Variants in AKNA observed in about 807,000 individuals in gnomAD.
The protein encoded by AKNA is microtubule organization protein AKNA.
AKNA carries 67 observed loss-of-function variants against 138.8 expected under a neutral mutation model. The ratio of observed to expected loss-of-function variants is 0.48; its 90% CI spans 0.40 to 0.59. The LOEUF is 0.59. Among genes scored for constraint, AKNA ranks in the 20% least tolerant of loss-of-function variants. The probability of loss-of-function intolerance (pLI) is 0.00; values close to 1 mark genes in which losing one functional copy is unlikely to be tolerated. For missense variants in AKNA, 1,813 were observed against 1,880.4 expected (o/e 0.96, Z 0.66); for synonymous variants, 737 against 754.4 (o/e 0.98, Z 0.38).
At position 114,337,042 on chromosome 9, in the gene AKNA, C is replaced by T. The variant is rs745888184; in HGVS notation, c.*12G>A. 10 of 952,462 alleles carry T rather than the reference C, an allele frequency of 1.0e-5. No individual in the cohort carries two copies. The highest frequency in any genetic ancestry group is 1.2e-5 in the Non-Finnish European group (9 of 774,888). 59.0% of individuals were successfully genotyped at this position (952,462 alleles called of 1,614,324 possible). ...ACCCACCCACCCATCTGCCTCTGGG[C>T]CCCCAGTGAAGTCAGAAGAGGCAGG... On this transcript the variant is annotated 3_prime_UTR_variant, in exon 22 of 22. Transcript: ENST00000374088.
chr9:114,372,888 C>T (rs909777831), intron 4 of AKNA, among the ~76,000 whole-genome samples: 51 of 145,954 alleles, frequency 3.5e-4, no homozygotes, highest in African/African-American at 1.2e-3. Flanking sequence ...TGATTAGCCC[C>T]TCTTTTACAG....
At chr9:114,367,481 A>G in intron 6 of AKNA, 62 bp downstream of exon 6, 1 of 1,580,616 alleles carries the variant, frequency 6.3e-7, no homozygotes, top group Non-Finnish European at 8.6e-7. Flanking sequence ...CCAAGCAGGC[A>G]GAGGTTCTGT....
chr9:114,346,581 T>A, intron 17 of AKNA, 88 bp downstream of exon 17: 1 of 1,055,746 alleles, frequency 9.5e-7, no homozygotes, highest in Non-Finnish European at 1.4e-6. Flanking sequence ...CAAGTTTCCT[T>A]GAATACTGTT....
chr9:114,342,162 A>G (rs1830400759), intron 19 of AKNA, 37 bp from the exon 20 acceptor site: 2 of 1,453,426 alleles, frequency 1.4e-6, no homozygotes, highest in South Asian at 2.7e-5. Flanking sequence ...GGAGGATTAC[A>G]TCTAAATCAT....
In AKNA at chr9:114,376,795, G is replaced by C. The variant is rs772707702; in HGVS notation, c.1012C>G (p.Leu338Val). 1.9e-6 allele frequency: 3 copies of C among 1,612,406 alleles called. No individual in the cohort carries two copies. In the Admixed American group the frequency reaches 5.0e-5, roughly 27 times the overall value. ...GCATTAGAAGAGGAGCGGCCAGCCA[G>C]AGTGGCTCCCTGTCTGGGCAGCGGC... ...GRPLPRQGAT[L>V]AGRSSSNAPK... The change falls in exon 3 of 22, where the codon CTG becomes GTG. Residue 338 changes from leucine (L) to valine (V), a missense_variant. Transcript: ENST00000374088.
At chr9:114,360,239 C>T (rs576181945) in intron 9 of AKNA, 177 bp from the exon 10 acceptor site, 34 of 754,042 alleles carry the variant, frequency 4.5e-5, no homozygotes, top group African/African-American at 1.9e-4. Flanking sequence ...GTGTGGTCTT[C>T]GATACTGGCT....
rs1294552257 is a variant in AKNA at position 114,377,224 on chromosome 9, G to A, written c.583C>T (p.Leu195Phe). ...EHSEVNPSVE[L>F]SPARSWSSGT... ...CTGCTCCAGGACCTTGCCGGGCTGA[G>A]TTCAACGGATGGGTTGACCTCGGAA... is the stretch of plus-strand genomic sequence containing the variant. Residue 195 changes from leucine to phenylalanine, a missense_variant, in exon 3 of 22, where the codon CTC becomes TTC. By Grantham distance (22) the Leu-to-Phe change is conservative. Coordinates refer to ENST00000374088, the MANE Select transcript of AKNA (RefSeq NM_001317950.2). The A allele has an allele frequency of 6.2e-7, 1 of 1,614,092 alleles. No individual in the cohort carries two copies. Among genetic ancestry groups the A allele is most frequent in the Non-Finnish European group, 8.5e-7 (1 of 1,180,044 alleles).
chr9:114,361,196 C>T (rs1200468744), intron 9 of AKNA, among the ~76,000 whole-genome samples: 4 of 152,180 alleles, frequency 2.6e-5, no homozygotes, highest in African/African-American at 9.6e-5. Context: ...TCTCCAGCCA[C>T]ATCTCAGACT....
chr9:114,367,445 AG>A lies in AKNA; in HGVS notation c.1728+97del, dbSNP rs1303469326. ...TCGGTGCAGAGGCAGGGGAATGACA[AG>A]TGAGACTCCCAGAGTGCCTCTCACC... is the stretch of plus-strand genomic sequence containing the variant. On this transcript the variant is annotated intron_variant, in intron 6 of 21. Coordinates refer to ENST00000374088, the MANE Select transcript of AKNA (RefSeq NM_001317950.2). 3.5e-6 allele frequency: 5 copies of A among 1,417,142 alleles called. No homozygotes were observed. In the East Asian group the frequency reaches 7.3e-5, roughly 21 times the overall value. 87.8% of individuals were successfully genotyped at this position (1,417,142 alleles called of 1,614,324 possible).
chr9:114,331,796 C>A (rs750730380), downstream of AKNA: 23 of 1,607,178 alleles, frequency 1.4e-5, no homozygotes, highest in Non-Finnish European at 1.9e-5. Flanking sequence ...CCCACCATGT[C>A]CCCAGTCAGT....
At chr9:114,377,619 T>G in intron 2 of AKNA, 87 bp from the exon 3 acceptor site, 1 of 1,328,172 alleles carries the variant, frequency 7.5e-7, no homozygotes, top group South Asian at 1.5e-5. Flanking sequence ...ACTCTCTGGC[T>G]TCCATTTCCT....
Position 114,364,553 on chromosome 9 carries a change from G to C in AKNA, c.1788+7C>G. 1 of 1,613,696 alleles carries C rather than the reference G, an allele frequency of 6.2e-7. No individual in the cohort carries two copies. On this transcript the variant is annotated splice_region_variant and intron_variant, in intron 7 of 21. Coordinates refer to ENST00000374088, the MANE Select transcript of AKNA (RefSeq NM_001317950.2). Reference sequence around the variant, plus strand: ...GTTCCATGGGTGGCTCCTGAATTGGGCAGTACCTTGACTTGGTCCTGGGGC... The same window carrying C: ...GTTCCATGGGTGGCTCCTGAATTGGCCAGTACCTTGACTTGGTCCTGGGGC...
At chr9:114,362,868 C>A (rs1832078867) in intron 7 of AKNA, among the ~76,000 whole-genome samples, 1 of 152,164 alleles carries the variant, frequency 6.6e-6, no homozygotes, top group Non-Finnish European at 1.5e-5. Flanking sequence ...TACACTCTCA[C>A]TATTATCTCC....
intron 14 of AKNA, among the ~76,000 whole-genome samples, chr9:114,355,111 T>TCC (rs1409477253): frequency 6.6e-6 from 1 of 151,206 alleles, no homozygotes; most frequent in Non-Finnish European, 1.5e-5. Context: ...TAAGTGATCC[T>TCC]CCCACCTTGG....
chr9:114,343,815 A>G lies in AKNA; in HGVS notation c.3662-12T>C, dbSNP rs776894559. 8 of 1,601,764 alleles carry G rather than the reference A, an allele frequency of 5.0e-6. No individual in the cohort carries two copies. Among genetic ancestry groups the G allele is most frequent in the Non-Finnish European group, 6.8e-6 (8 of 1,170,130 alleles). On this transcript the variant is annotated splice_polypyrimidine_tract_variant and intron_variant, in intron 18 of 21. Transcript: ENST00000374088. ...ATGGTATTCGTGGCCTGGGGAAAGA[A>G]ACCAGAACTGTCAGTATCAGCCCTG...
intron 4 of AKNA, among the ~76,000 whole-genome samples, chr9:114,370,963 C>A (rs980850225): frequency 6.6e-6 from 1 of 152,214 alleles, no homozygotes; most frequent in African/African-American, 2.4e-5. Context: ...TGGGTAATTT[C>A]TGGTCACCTC....
intron 1 of AKNA, among the ~76,000 whole-genome samples, chr9:114,394,108 G>A (rs1392311550): frequency 1.3e-5 from 2 of 152,094 alleles, no homozygotes; most frequent in African/African-American, 2.4e-5. Flanking sequence ...GGGAGGCAGA[G>A]GTTGCAGTGA....
upstream of AKNA, among the ~76,000 whole-genome samples, chr9:114,397,178 G>A (rs555815944): frequency 3.9e-5 from 6 of 152,180 alleles, no homozygotes; most frequent in Non-Finnish European, 5.9e-5. Flanking sequence ...ACTGTGAGAC[G>A]ACTGCCCCAG....
intron 5 of AKNA, 84 bp downstream of exon 5, chr9:114,368,355 T>A (rs577887149): frequency 3.9e-6 from 5 of 1,290,346 alleles, no homozygotes; most frequent in Non-Finnish European, 4.9e-6. Flanking sequence ...GCCAGCGCCA[T>A]CCCCAGGGTG....
Sources: allele counts gnomAD v4.1 joint callset (sites outside exome capture counted in the v4.1 genomes callset), GRCh38; gene constraint gnomAD v4.1.1; transcripts MANE v1.5; gene names NCBI Gene and HGNC (gene_info 2026-07-23, HGNC 2026-07-21).